Variants in HS3ST5 observed in about 807,000 individuals in gnomAD.
The protein encoded by HS3ST5 is heparan sulfate-glucosamine 3-sulfotransferase 5.
Under a neutral mutation model 25.4 loss-of-function variants are expected in HS3ST5, and 10 were observed. The ratio of observed to expected loss-of-function variants is 0.39; its 90% CI spans 0.24 to 0.67. The LOEUF (loss-of-function observed/expected upper bound fraction) is 0.67, where lower values mean the gene tolerates loss of function less well. Among genes scored for constraint, HS3ST5 ranks in the 30% least tolerant of loss-of-function variants. The pLI, the probability that HS3ST5 is intolerant of heterozygous loss-of-function variation, is 0.44. For missense variants in HS3ST5, 324 were observed against 420.7 expected (o/e 0.77, Z 2.01); for synonymous variants, 170 against 162.4 (o/e 1.05, Z -0.36).
Position 114,230,740 on chromosome 6 carries a change from C to G in HS3ST5, c.-338-1962G>C, listed in dbSNP as rs544074975. On this transcript the variant is annotated intron_variant, in intron 1 of 4. Transcript: ENST00000312719. The stretch of plus-strand genomic sequence containing the variant: ...TAGCTGGGATTACAGGCATACACCA[C>G]CACACCCTGCTATTTTTTTTTGTAT... Among the ~76,000 whole-genome samples, 67 of 151,926 alleles carry G rather than the reference C, an allele frequency of 4.4e-4. 1 individual carries two copies. Among genetic ancestry groups the G allele is most frequent in the South Asian group, 1.5e-3 (7 of 4,816 alleles).
At chr6:114,253,406 C>T (rs1288215005) in intron 1 of HS3ST5, among the ~76,000 whole-genome samples, 1 of 152,126 alleles carries the variant, frequency 6.6e-6, no homozygotes, top group Non-Finnish European at 1.5e-5. Flanking sequence ...TCGCTGTTTC[C>T]TACTGAGTTT....
chr6:114,290,004 CACA>C (rs1774500709), intron 1 of HS3ST5, among the ~76,000 whole-genome samples: 2 of 152,074 alleles, frequency 1.3e-5, no homozygotes, highest in South Asian at 2.1e-4. Flanking sequence ...TCCAAAAAGC[CACA>C]ACAACTTATT....
At chr6:114,090,107 C>T (rs1302624439) in intron 3 of HS3ST5, among the ~76,000 whole-genome samples, 1 of 152,126 alleles carries the variant, frequency 6.6e-6, no homozygotes, top group Non-Finnish European at 1.5e-5. Context: ...AAATGTGGGG[C>T]TTAGGCTTTA....
At chr6:114,224,651 A>G (rs1399315957) in intron 2 of HS3ST5, among the ~76,000 whole-genome samples, 1 of 150,818 alleles carries the variant, frequency 6.6e-6, no homozygotes, top group Non-Finnish European at 1.5e-5. Flanking sequence ...TTGAGAATAA[A>G]GTAATCAAAT....
intron 3 of HS3ST5, among the ~76,000 whole-genome samples, chr6:114,119,310 T>C (rs915293679): frequency 2.6e-5 from 4 of 152,212 alleles, no homozygotes; most frequent in African/African-American, 4.8e-5. Context: ...GGGAGACTCA[T>C]CCATTTGATA....
intron 1 of HS3ST5, among the ~76,000 whole-genome samples, chr6:114,328,472 T>C (rs1466036107): frequency 2.0e-5 from 3 of 152,166 alleles, no homozygotes; most frequent in Non-Finnish European, 4.4e-5. Context: ...CTCATCCTTG[T>C]ACAATCTGCC....
chr6:114,060,254 C>T (rs1453173367), intron 4 of HS3ST5, among the ~76,000 whole-genome samples: 1 of 152,136 alleles, frequency 6.6e-6, no homozygotes, highest in African/African-American at 2.4e-5. Flanking sequence ...TCTCGTGATT[C>T]GCCTGCCTCA....
intron 3 of HS3ST5, among the ~76,000 whole-genome samples, chr6:114,124,799 A>G (rs530159365): frequency 5.3e-5 from 8 of 152,164 alleles, no homozygotes; most frequent in Non-Finnish European, 1.0e-4. Flanking sequence ...TCAGCTATCG[A>G]TTTTCAGGTT....
At chr6:114,197,128 C>CTTTCT (rs1374682997) in intron 2 of HS3ST5, among the ~76,000 whole-genome samples, 1 of 142,448 alleles carries the variant, frequency 7.0e-6, no homozygotes, top group Non-Finnish European at 1.5e-5. Context: ...TTCTTTCTTT[C>CTTTCT]TTTTTTTTTT....
chr6:114,098,965 T>TAAA (rs1175705835), intron 3 of HS3ST5, among the ~76,000 whole-genome samples: 151 of 152,292 alleles, frequency 9.9e-4, no homozygotes, highest in Non-Finnish European at 1.6e-3. Context: ...TGCATGTTTT[T>TAAA]ATTGAGTTTA....
chr6:114,240,285 GC>G, intron 1 of HS3ST5, among the ~76,000 whole-genome samples: 1 of 152,240 alleles, frequency 6.6e-6, no homozygotes, highest in Non-Finnish European at 1.5e-5. Flanking sequence ...TATTACAGCT[GC>G]TTTTCATTCA....
At chr6:114,338,340 T>C (rs1323050607) in intron 1 of HS3ST5, among the ~76,000 whole-genome samples, 6 of 127,742 alleles carry the variant, frequency 4.7e-5, no homozygotes. Flanking sequence ...TACATAAATA[T>C]ATGTATATGT....
intron 1 of HS3ST5, among the ~76,000 whole-genome samples, chr6:114,278,110 G>A (rs918331308): frequency 5.9e-5 from 9 of 151,888 alleles, no homozygotes; most frequent in African/African-American, 1.9e-4. Context: ...CCTGACATTC[G>A]GGTTAAGTCA....
In HS3ST5 at chr6:114,057,606, G is replaced by C; in HGVS notation, c.692C>G (p.Thr231Ser). The change falls in exon 5 of 5, where the codon ACC becomes AGC. Residue 231 changes from threonine to serine, a missense_variant. By Grantham distance (58) the Thr-to-Ser change is moderately conservative (BLOSUM62 1). Coordinates refer to ENST00000312719, the MANE Select transcript of HS3ST5 (RefSeq NM_153612.4). ...TTCCAGATGTTTGGTGTAGATGCTG[G>C]TTCTTACTGCTTTGTATTTTGTGTT... ...EVNTKYKAVRTSIYTKHLERW... is the reference protein window; with the variant it reads ...EVNTKYKAVRSSIYTKHLERW... The C allele has an allele frequency of 6.2e-7, 1 of 1,614,106 alleles. No individual in the cohort carries two copies. Among genetic ancestry groups the C allele is most frequent in the Non-Finnish European group, 8.5e-7 (1 of 1,180,018 alleles).
intron 1 of HS3ST5, among the ~76,000 whole-genome samples, chr6:114,293,238 G>A (rs1433262625): frequency 6.6e-6 from 1 of 152,154 alleles, no homozygotes; most frequent in African/African-American, 2.4e-5. Context: ...GCAGCCTAGG[G>A]CTCAGAGCAG....
At chr6:114,132,006 G>T (rs1777360809) in intron 3 of HS3ST5, 1 of 151,994 alleles carries the variant, frequency 6.6e-6, no homozygotes, top group Admixed American at 6.5e-5. Flanking sequence ...CTTTTGAATT[G>T]TTATCTTATT....
chr6:114,307,612 A>G (rs1221900286), intron 1 of HS3ST5, among the ~76,000 whole-genome samples: 1 of 152,074 alleles, frequency 6.6e-6, no homozygotes, highest in African/African-American at 2.4e-5. Flanking sequence ...CGCAATTCCT[A>G]TTTTGACTTA....
At chr6:114,196,962 T>A (rs542703683) in intron 2 of HS3ST5, among the ~76,000 whole-genome samples, 1 of 152,056 alleles carries the variant, frequency 6.6e-6, no homozygotes, top group South Asian at 2.1e-4. Flanking sequence ...TGCAGTGCTG[T>A]CTTTTTGGTA....
chr6:114,204,049 C>G (rs564679890), intron 2 of HS3ST5, among the ~76,000 whole-genome samples: 1 of 152,196 alleles, frequency 6.6e-6, no homozygotes, highest in African/African-American at 2.4e-5. Context: ...TAGGTTATGG[C>G]CATGGAGAGA....
Sources: gnomAD v4.1 joint callset for allele counts (sites outside exome capture counted in the v4.1 genomes callset) on GRCh38, gnomAD v4.1.1 for gene constraint, MANE v1.5 for transcripts, NCBI Gene and HGNC (gene_info 2026-07-23, HGNC 2026-07-21) for gene names.